Variants in ST8SIA1 observed in about 807,000 individuals in gnomAD.
ST8SIA1 encodes ST8 alpha-N-acetyl-neuraminide alpha-2,8-sialyltransferase 1, also known as alpha-N-acetylneuraminide alpha-2,8-sialyltransferase.
ST8SIA1 carries 16 observed loss-of-function variants against 35.9 expected under a neutral mutation model. The observed-to-expected ratio is 0.45, with a 90% CI of 0.30 to 0.68. ST8SIA1 has a LOEUF of 0.68. Ranked by LOEUF, ST8SIA1 falls within the 30% of genes least tolerant of loss-of-function variation. The pLI is 0.09. For missense variants in ST8SIA1, 383 were observed against 453.6 expected, an observed-to-expected ratio of 0.84 and a Z score of 1.41; for synonymous variants, 170 against 169.6, an observed-to-expected ratio of 1.00 and a Z score of -0.02.
chr12:22,304,334 CTTTTTTTTTTT>C lies in ST8SIA1; in HGVS notation c.237-17052_237-17042del, dbSNP rs3063802. 3.8e-5 allele frequency among the ~76,000 whole-genome samples: 4 copies of C among 106,248 alleles called. No individual in the cohort carries two copies. In the East Asian group the frequency reaches 1.1e-3, roughly 29 times the overall value. 69.7% of individuals were successfully genotyped at this position (106,248 alleles called of 152,430 possible). A position where few individuals can be genotyped will look rare whatever the true frequency, so the allele number is the denominator to read the frequency against. On this transcript the variant is annotated intron_variant, in intron 1 of 4. Transcript: ENST00000396037. ...CCTAGGACCTTGTCTTTTTCTTTTT[CTTTTTTTTTTT>C]TTTTTTTTTTGAGCAAAAGTTTTTT...
chr12:22,275,506 G>T (rs753948578), intron 2 of ST8SIA1, among the ~76,000 whole-genome samples: 1 of 151,982 alleles, frequency 6.6e-6, no homozygotes, highest in Non-Finnish European at 1.5e-5. Flanking sequence ...GTGAGCAGAG[G>T]TCACACCACT....
chr12:22,281,137 A>C (rs541934808), intron 2 of ST8SIA1, among the ~76,000 whole-genome samples: 1 of 152,324 alleles, frequency 6.6e-6, no homozygotes, highest in South Asian at 2.1e-4. Context: ...TAAAGTCCGT[A>C]AACACTTTGA....
intron 2 of ST8SIA1, among the ~76,000 whole-genome samples, chr12:22,282,278 A>T (rs920083566): frequency 6.6e-6 from 1 of 152,144 alleles, no homozygotes; most frequent in Non-Finnish European, 1.5e-5. Flanking sequence ...TCTCAGTCTT[A>T]GCTTCATCCA....
intron 4 of ST8SIA1, among the ~76,000 whole-genome samples, chr12:22,222,017 ATCT>A (rs1865306060): frequency 6.6e-6 from 1 of 152,192 alleles, no homozygotes. Flanking sequence ...GAACTTTGGA[ATCT>A]TCTTAATAGT....
At chr12:22,322,333 C>T (rs1372559193) in intron 1 of ST8SIA1, among the ~76,000 whole-genome samples, 1 of 152,188 alleles carries the variant, frequency 6.6e-6, no homozygotes. Flanking sequence ...CTTGGCCTAT[C>T]GCTCTGTTCT....
At chr12:22,263,610 T>G (rs774215378) in intron 2 of ST8SIA1, among the ~76,000 whole-genome samples, 3 of 152,216 alleles carry the variant, frequency 2.0e-5, no homozygotes, top group Non-Finnish European at 1.5e-5. Flanking sequence ...TAAAGAAAAA[T>G]TGGTGTTTTG....
At chr12:22,331,606 G>T (rs1301229145) in intron 1 of ST8SIA1, among the ~76,000 whole-genome samples, 1 of 152,178 alleles carries the variant, frequency 6.6e-6, no homozygotes, top group Non-Finnish European at 1.5e-5. Flanking sequence ...AATGGCTTCT[G>T]ACTGACTGGT....
chr12:22,291,444 C>T (rs1056732316), intron 1 of ST8SIA1, among the ~76,000 whole-genome samples: 2 of 152,192 alleles, frequency 1.3e-5, no homozygotes, highest in African/African-American at 4.8e-5. Context: ...CCAAAATCTA[C>T]TGTTACACTG....
chr12:22,275,400 C>T (rs915739989), intron 2 of ST8SIA1, among the ~76,000 whole-genome samples: 7 of 152,058 alleles, frequency 4.6e-5, no homozygotes, highest in Non-Finnish European at 1.0e-4. Context: ...ATGAGAAATA[C>T]AAAAATTAGC....
At position 22,334,362 on chromosome 12, in the gene ST8SIA1, G is replaced by A. The variant is rs915366878; in HGVS notation, c.-130C>T. 1 of 678,766 alleles carries A rather than the reference G, an allele frequency of 1.5e-6. No homozygotes were observed. The highest frequency in any genetic ancestry group is 2.5e-6 in the Non-Finnish European group (1 of 406,230). 42.0% of individuals were successfully genotyped at this position (678,766 alleles called of 1,614,324 possible). ...TTGGTTCTCTTACTTGCAAACGCACGCACGCTTCTTCGGCCCCGTCGGCCC... is the reference window on the plus strand; with the variant it reads ...TTGGTTCTCTTACTTGCAAACGCACACACGCTTCTTCGGCCCCGTCGGCCC... On this transcript the variant is annotated 5_prime_UTR_variant, in exon 1 of 5. Coordinates refer to ENST00000396037, the MANE Select transcript of ST8SIA1 (RefSeq NM_003034.4).
chr12:22,216,700 C>G (rs932645441), intron 4 of ST8SIA1, among the ~76,000 whole-genome samples: 1 of 152,074 alleles, frequency 6.6e-6, no homozygotes, highest in African/African-American at 2.4e-5. Flanking sequence ...TCTTGCTGTT[C>G]CCTAAGGCTA....
chr12:22,232,211 T>C (rs183257896), intron 4 of ST8SIA1, among the ~76,000 whole-genome samples: 1 of 152,286 alleles, frequency 6.6e-6, no homozygotes, highest in East Asian at 1.9e-4. Context: ...GGCAATAAGT[T>C]ACTAAACAGC....
At chr12:22,318,469 T>C (rs949572046) in intron 1 of ST8SIA1, among the ~76,000 whole-genome samples, 1 of 152,170 alleles carries the variant, frequency 6.6e-6, no homozygotes, top group Non-Finnish European at 1.5e-5. Context: ...AGCTAGATAG[T>C]TAAGAGAGCA....
In ST8SIA1 at chr12:22,197,199, G is replaced by C. The variant is rs988008626; in HGVS notation, c.*4353C>G. The C allele has an allele frequency of 6.6e-6, 1 of 152,154 alleles. No homozygotes were observed. Among genetic ancestry groups the C allele is most frequent in the African/African-American group, 2.4e-5 (1 of 41,428 alleles). The allele number at this position is 152,154 out of a possible 1,614,324, so 9.4% of individuals were successfully genotyped here. On this transcript the variant is annotated 3_prime_UTR_variant, in exon 5 of 5. Coordinates refer to ENST00000396037, the MANE Select transcript of ST8SIA1 (RefSeq NM_003034.4). ...ATATAACCTGAGAGTCGACCTATAC[G>C]ACGGGAAGATAAAGAAAAAGCACAA...
At chr12:22,284,249 G>A (rs1030286715) in intron 2 of ST8SIA1, among the ~76,000 whole-genome samples, 2 of 152,184 alleles carry the variant, frequency 1.3e-5, no homozygotes, top group Non-Finnish European at 2.9e-5. Flanking sequence ...AGGGGCAAGT[G>A]TAAAGGTACA....
At chr12:22,282,177 C>T (rs1166070220) in intron 2 of ST8SIA1, among the ~76,000 whole-genome samples, 1 of 152,074 alleles carries the variant, frequency 6.6e-6, no homozygotes, top group Non-Finnish European at 1.5e-5. Context: ...ATAGAGTAAA[C>T]ACTAATACCT....
At chr12:22,209,137 A>T (rs1865148327) in intron 4 of ST8SIA1, among the ~76,000 whole-genome samples, 1 of 152,222 alleles carries the variant, frequency 6.6e-6, no homozygotes, top group African/African-American at 2.4e-5. Flanking sequence ...TTCTACAAAC[A>T]TATTTTTAAA....
intron 2 of ST8SIA1, among the ~76,000 whole-genome samples, chr12:22,261,940 A>G (rs147883252): frequency 6.6e-6 from 1 of 152,342 alleles, no homozygotes; most frequent in Non-Finnish European, 1.5e-5. Context: ...TACCCCACTC[A>G]TGCAGCTTAC....
Position 22,325,970 on chromosome 12 carries a change from A to T in ST8SIA1, c.236+8027T>A, listed in dbSNP as rs776231785. 4 of 658,814 alleles carry T rather than the reference A, an allele frequency of 6.1e-6. No individual in the cohort carries two copies. In the South Asian group the frequency reaches 6.7e-5, roughly 11 times the overall value. 40.8% of individuals were successfully genotyped at this position (658,814 alleles called of 1,614,324 possible). On this transcript the variant is annotated intron_variant, in intron 1 of 4. Transcript: ENST00000396037. Reference sequence around the variant, plus strand: ...AAGATTCGCATCCCAGGCAAGACATAGTGGGACAAAGTGAAATCTCATCAC... The same window carrying T: ...AAGATTCGCATCCCAGGCAAGACATTGTGGGACAAAGTGAAATCTCATCAC...
Sources: gnomAD v4.1 joint callset for allele counts (sites outside exome capture counted in the v4.1 genomes callset) on GRCh38, gnomAD v4.1.1 for gene constraint, MANE v1.5 for transcripts, NCBI Gene and HGNC (gene_info 2026-07-23, HGNC 2026-07-21) for gene names.